Variants in APBB2 observed in about 807,000 individuals in gnomAD.
APBB2 encodes Fe65-like 1.
APBB2 carries 38 observed loss-of-function variants against 82.5 expected under a neutral mutation model. The observed-to-expected ratio is 0.46, with a 90% CI of 0.36 to 0.60. The LOEUF (loss-of-function observed/expected upper bound fraction) is 0.60, where lower values mean the gene tolerates loss of function less well. Among genes scored for constraint, APBB2 ranks in the 20% least tolerant of loss-of-function variants. The pLI is 0.00. For synonymous variants in APBB2, 341 were observed against 368.2 expected (o/e 0.93, Z 0.85); for missense variants, 772 against 972.3 (o/e 0.79, Z 2.74).
At chr4:40,819,189 CTTTTTTTT>C (rs1228766862) in intron 17 of APBB2, among the ~76,000 whole-genome samples, 2 of 65,492 alleles carry the variant, frequency 3.1e-5, no homozygotes, top group Non-Finnish European at 5.8e-5. Context: ...TTTTTTTTTT[CTTTTTTTT>C]TTTTTTGAGA....
chr4:40,879,688 TTTTC>T (rs1228323591), intron 12 of APBB2, among the ~76,000 whole-genome samples: 7 of 151,776 alleles, frequency 4.6e-5, no homozygotes, highest in East Asian at 1.9e-4. Flanking sequence ...ACAATATTTT[TTTTC>T]TTTCTTTTTT....
chr4:41,115,377 A>C (rs1204252867), intron 2 of APBB2, among the ~76,000 whole-genome samples: 2 of 152,226 alleles, frequency 1.3e-5, no homozygotes. Context: ...CCCTAGAAGA[A>C]AACCTAGAGA....
At chr4:41,038,749 C>A (rs34356356) in intron 4 of APBB2, among the ~76,000 whole-genome samples, 16,102 of 152,172 alleles carry the variant, frequency 0.11, 964 homozygotes, top group Middle Eastern at 0.17. Flanking sequence ...CTTTATTATC[C>A]TAAAGTGATA....
chr4:40,946,254 A>C (rs73809206), intron 6 of APBB2, among the ~76,000 whole-genome samples: 1,756 of 114,396 alleles, frequency 0.015, 112 homozygotes, highest in African/African-American at 0.041. Context: ...AAAAAAAAAA[A>C]CATTCCCAAG....
At chr4:40,930,713 T>A (rs1420067966) in intron 10 of APBB2, among the ~76,000 whole-genome samples, 2 of 152,192 alleles carry the variant, frequency 1.3e-5, no homozygotes, top group Non-Finnish European at 2.9e-5. Context: ...ACAGACTATA[T>A]TTAGAATTCC....
chr4:41,004,950 C>CTAT (rs977805722), intron 6 of APBB2, among the ~76,000 whole-genome samples: 1 of 150,876 alleles, frequency 6.6e-6, no homozygotes, highest in African/African-American at 2.4e-5. Context: ...AATTCTTGAA[C>CTAT]TATTGTTAAC....
At chr4:41,161,394 C>A (rs75858681) in intron 1 of APBB2, among the ~76,000 whole-genome samples, 2 of 151,982 alleles carry the variant, frequency 1.3e-5, no homozygotes, top group South Asian at 2.1e-4. Flanking sequence ...ACTCCTTGAG[C>A]CCGGGAGTTC....
intron 12 of APBB2, among the ~76,000 whole-genome samples, chr4:40,868,434 AT>A (rs1031469029): frequency 2.6e-5 from 4 of 152,146 alleles, no homozygotes; most frequent in Admixed American, 1.3e-4. Context: ...GAGCTGTATA[AT>A]TTTTCTTTAG....
intron 1 of APBB2, among the ~76,000 whole-genome samples, chr4:41,178,314 G>A (rs1278282621): frequency 6.6e-6 from 1 of 152,110 alleles, no homozygotes; most frequent in African/African-American, 2.4e-5. Context: ...CTAAAGCAAT[G>A]TTGTGTTTAA....
intron 1 of APBB2, among the ~76,000 whole-genome samples, chr4:41,171,666 C>T (rs1768292746): frequency 6.6e-6 from 1 of 152,186 alleles, no homozygotes; most frequent in African/African-American, 2.4e-5. Flanking sequence ...GTCTTAAAAC[C>T]CTTTAATAGG....
At chr4:41,205,073 T>C (rs1327840152) in intron 1 of APBB2, among the ~76,000 whole-genome samples, 1 of 152,130 alleles carries the variant, frequency 6.6e-6, no homozygotes, top group Non-Finnish European at 1.5e-5. Flanking sequence ...GGATAACAAG[T>C]TTACCTTCTT....
At chr4:41,047,118 G>A (rs1723713713) in intron 4 of APBB2, among the ~76,000 whole-genome samples, 1 of 152,204 alleles carries the variant, frequency 6.6e-6, no homozygotes, top group Non-Finnish European at 1.5e-5. Flanking sequence ...AGATATAAAG[G>A]TCCTACTGTG....
chr4:40,941,736 T>A (rs146744425), intron 7 of APBB2, among the ~76,000 whole-genome samples: 26 of 152,342 alleles, frequency 1.7e-4, no homozygotes, highest in South Asian at 1.0e-3. Flanking sequence ...GTTCAAGTGA[T>A]CTTCCTGCCT....
chr4:41,192,782 C>T (rs1208585447), intron 1 of APBB2, among the ~76,000 whole-genome samples: 1 of 151,628 alleles, frequency 6.6e-6, no homozygotes, highest in Non-Finnish European at 1.5e-5. Flanking sequence ...AAAAACAAAA[C>T]AAAAAAAATG....
At chr4:40,986,913 A>G (rs2154407404) in intron 6 of APBB2, among the ~76,000 whole-genome samples, 1 of 152,390 alleles carries the variant, frequency 6.6e-6, no homozygotes, top group East Asian at 1.9e-4. Context: ...GCAAAGGAGT[A>G]CGACAGGAAT....
intron 2 of APBB2, among the ~76,000 whole-genome samples, chr4:41,141,125 A>G (rs1759010148): frequency 1.3e-5 from 2 of 152,148 alleles, no homozygotes; most frequent in African/African-American, 2.4e-5. Context: ...ATGAGCCCCT[A>G]AAGACAGGGA....
chr4:41,019,867 A>G (rs1810996572), intron 5 of APBB2, among the ~76,000 whole-genome samples: 1 of 152,224 alleles, frequency 6.6e-6, no homozygotes. Flanking sequence ...AAGGAAAGAG[A>G]CAAGGAGACA....
chr4:40,857,797 G>A (rs1761760708), intron 12 of APBB2, among the ~76,000 whole-genome samples: 2 of 147,728 alleles, frequency 1.4e-5, no homozygotes, highest in Middle Eastern at 3.2e-3. Context: ...ATTGTGGGGC[G>A]AGTGGGGGAA....
chr4:41,055,359 C>T (rs1480309519), intron 4 of APBB2, among the ~76,000 whole-genome samples: 1 of 152,186 alleles, frequency 6.6e-6, no homozygotes, highest in Non-Finnish European at 1.5e-5. Flanking sequence ...ATCACTAGAA[C>T]AAATAGAAGT....
Sources: allele counts gnomAD v4.1 joint callset (sites outside exome capture counted in the v4.1 genomes callset), GRCh38; gene constraint gnomAD v4.1.1; transcripts MANE v1.5; gene names NCBI Gene and HGNC (gene_info 2026-07-23, HGNC 2026-07-21).